WWC2: variants seen among roughly 807,000 people sequenced by gnomAD.
The protein encoded by WWC2 is protein WWC2.
A neutral mutation model predicts 138.5 loss-of-function variants in WWC2; 101 were observed. The observed-to-expected ratio is 0.73, with a 90% CI of 0.62 to 0.86. WWC2 has a LOEUF of 0.86. Ranked by LOEUF, WWC2 falls within the 40% of genes least tolerant of loss-of-function variation. The probability of loss-of-function intolerance (pLI) is 0.00; values close to 1 mark genes in which losing one functional copy is unlikely to be tolerated. For synonymous variants in WWC2, 558 were observed against 538.4 expected (o/e 1.04, Z -0.50); for missense variants, 1,420 against 1,419.4 (o/e 1.00, Z -0.01).
intron 2 of WWC2, among the ~76,000 whole-genome samples, chr4:183,204,971 G>T (rs1182136637): frequency 6.6e-6 from 1 of 152,138 alleles, no homozygotes; most frequent in South Asian, 2.1e-4. Context: ...GTATTTTATT[G>T]TATGGATATA....
intron 5 of WWC2, among the ~76,000 whole-genome samples, chr4:183,242,334 T>G (rs1193590665): frequency 1.3e-5 from 2 of 152,232 alleles, no homozygotes; most frequent in Admixed American, 1.3e-4. Context: ...ATTGTAGGCT[T>G]TGTAACTTTT....
chr4:183,192,813 G>A (rs939296757), intron 1 of WWC2, among the ~76,000 whole-genome samples: 11 of 151,970 alleles, frequency 7.2e-5, no homozygotes, highest in Admixed American at 7.2e-4. Flanking sequence ...GGCCGCTCCA[G>A]TAGCCAAGGA....
At chr4:183,121,204 C>CAAA (rs796207947) in intron 1 of WWC2, among the ~76,000 whole-genome samples, 1 of 113,332 alleles carries the variant, frequency 8.8e-6, no homozygotes, top group African/African-American at 3.3e-5. Flanking sequence ...GACATTATCT[C>CAAA]AAAAAAAAAA....
At chr4:183,111,554 A>G (rs1401675138) in intron 1 of WWC2, among the ~76,000 whole-genome samples, 5 of 152,022 alleles carry the variant, frequency 3.3e-5, no homozygotes, top group Non-Finnish European at 7.4e-5. Flanking sequence ...ACATAGTATC[A>G]CTGGGTTATC....
Position 183,286,002 on chromosome 4 carries a change from TA to T in WWC2, c.3090del (p.Lys1030AsnfsTer5). The T allele has an allele frequency of 6.3e-7, 1 of 1,595,994 alleles. No individual in the cohort carries two copies. On this transcript the variant is annotated frameshift_variant, in exon 20 of 23. Coordinates refer to ENST00000403733, the MANE Select transcript of WWC2 (RefSeq NM_024949.6). LOFTEE classifies it high-confidence loss of function. Reference protein sequence around the residue: ...RSDSDSSTLAKKSLFVRNSTE... With the variant: ...RSDSDSSTLAXKSLFVRNSTE... ...GTGACAGTGACAGTTCAACCCTGGC[TA>T]AAAAATCACTGTTTGTGAGAAACTC...
At chr4:183,134,563 G>A (rs1335591850) in intron 1 of WWC2, among the ~76,000 whole-genome samples, 1 of 151,924 alleles carries the variant, frequency 6.6e-6, no homozygotes, top group African/African-American at 2.4e-5. Flanking sequence ...CTGTATATAT[G>A]CATCAGATCA....
At chr4:183,112,992 G>T (rs565986898) in intron 1 of WWC2, among the ~76,000 whole-genome samples, 1 of 152,108 alleles carries the variant, frequency 6.6e-6, no homozygotes. Context: ...ATTTAGTTCC[G>T]CCGGGCACGG....
intron 1 of WWC2, among the ~76,000 whole-genome samples, chr4:183,113,403 C>T (rs1188783613): frequency 6.6e-6 from 1 of 151,272 alleles, no homozygotes; most frequent in Non-Finnish European, 1.5e-5. Flanking sequence ...ATCATGTATG[C>T]CTTGTAGACC....
chr4:183,273,028 A>C (rs530288195), intron 16 of WWC2, among the ~76,000 whole-genome samples: 1 of 152,180 alleles, frequency 6.6e-6, no homozygotes, highest in African/African-American at 2.4e-5. Flanking sequence ...GAACAGCCAA[A>C]CTGTTCCTAG....
intron 11 of WWC2, among the ~76,000 whole-genome samples, chr4:183,263,244 A>C (rs936203836): frequency 6.6e-6 from 1 of 152,138 alleles, no homozygotes; most frequent in African/African-American, 2.4e-5. Flanking sequence ...GACCACTTCT[A>C]ACATTCAGCC....
chr4:183,198,227 G>C (rs1389527119), intron 2 of WWC2, among the ~76,000 whole-genome samples: 1 of 151,810 alleles, frequency 6.6e-6, no homozygotes, highest in Non-Finnish European at 1.5e-5. Flanking sequence ...GAAAAGTAAT[G>C]GTATATAGGA....
intron 1 of WWC2, among the ~76,000 whole-genome samples, chr4:183,137,335 C>A (rs890714608): frequency 6.6e-6 from 1 of 151,998 alleles, no homozygotes; most frequent in African/African-American, 2.4e-5. Context: ...AATATCTTTT[C>A]TTTGTGTCCT....
At chr4:183,220,534 TAA>T (rs751722785) in intron 4 of WWC2, among the ~76,000 whole-genome samples, 20 of 137,256 alleles carry the variant, frequency 1.5e-4, no homozygotes, top group Admixed American at 2.2e-4. Flanking sequence ...GTATCCACTT[TAA>T]AAAAAAAAAA....
chr4:183,299,079 G>A (rs4302499), intron 21 of WWC2, among the ~76,000 whole-genome samples: 38,061 of 151,972 alleles, frequency 0.25, 5,442 homozygotes, highest in Middle Eastern at 0.42. Flanking sequence ...CTCACAGTTC[G>A]GGAGGCTGGA....
chr4:183,209,064 T>C, intron 4 of WWC2, 39 bp downstream of exon 4: 1 of 1,399,378 alleles, frequency 7.1e-7, no homozygotes, highest in Non-Finnish European at 9.9e-7. Context: ...TTGACCCATA[T>C]GCATAGAGTC....
intron 1 of WWC2, among the ~76,000 whole-genome samples, chr4:183,183,284 A>G (rs955064807): frequency 6.6e-6 from 1 of 152,168 alleles, no homozygotes; most frequent in Non-Finnish European, 1.5e-5. Context: ...CCCATCACCT[A>G]TCACCTAGGT....
At chr4:183,214,825 G>A (rs760788186) in intron 4 of WWC2, among the ~76,000 whole-genome samples, 8 of 151,514 alleles carry the variant, frequency 5.3e-5, no homozygotes, top group South Asian at 2.1e-4. Flanking sequence ...GTAAATTGCC[G>A]CAAATATTCT....
chr4:183,192,930 TAA>T (rs1314685223), intron 1 of WWC2, among the ~76,000 whole-genome samples: 3 of 152,182 alleles, frequency 2.0e-5, no homozygotes, highest in African/African-American at 7.2e-5. Context: ...TCATTAGTTT[TAA>T]AGAGAAAAAT....
intron 1 of WWC2, among the ~76,000 whole-genome samples, chr4:183,107,058 C>T (rs569976007): frequency 2.0e-5 from 3 of 152,286 alleles, no homozygotes; most frequent in South Asian, 4.1e-4. Context: ...GTGCAAATTC[C>T]TCCACATCCT....
Sources: allele counts gnomAD v4.1 joint callset (sites outside exome capture counted in the v4.1 genomes callset), GRCh38; gene constraint gnomAD v4.1.1; transcripts MANE v1.5; gene names NCBI Gene and HGNC (gene_info 2026-07-23, HGNC 2026-07-21).